RAD51B: variants seen among roughly 807,000 people sequenced by gnomAD.
The protein encoded by RAD51B is RAD51 paralog B, also known as DNA repair protein RAD51 homolog 2.
Under a neutral mutation model 42.2 loss-of-function variants are expected in RAD51B, and 38 were observed. The observed-to-expected ratio is 0.90, with a 90% CI of 0.70 to 1.18. The LOEUF (loss-of-function observed/expected upper bound fraction) is 1.18, where lower values mean the gene tolerates loss of function less well. RAD51B is among the 50% of genes most tolerant of loss of function. The pLI, the probability that RAD51B is intolerant of heterozygous loss-of-function variation, is 0.00. For synonymous variants in RAD51B, 154 were observed against 145.2 expected, an observed-to-expected ratio of 1.06 and a Z score of -0.43; for missense variants, 373 against 400.7, an observed-to-expected ratio of 0.93 and a Z score of 0.59.
chr14:68,505,629 C>G (rs1885259804), intron 10 of RAD51B, among the ~76,000 whole-genome samples: 1 of 148,388 alleles, frequency 6.7e-6, no homozygotes, highest in Non-Finnish European at 1.5e-5. Context: ...CGGCTCACTG[C>G]AACCTCTACC....
At chr14:68,202,214 G>A (rs1158354736) in intron 7 of RAD51B, among the ~76,000 whole-genome samples, 1 of 152,054 alleles carries the variant, frequency 6.6e-6, no homozygotes, top group African/African-American at 2.4e-5. Context: ...TTTTGCTGGT[G>A]GAGTGTTTTG....
chr14:68,512,009 C>T (rs1885763027), intron 10 of RAD51B, among the ~76,000 whole-genome samples: 1 of 152,234 alleles, frequency 6.6e-6, no homozygotes, highest in African/African-American at 2.4e-5. Flanking sequence ...CTGTGGACTA[C>T]ATTAAAGAAG....
At chr14:68,272,411 C>A (rs983440997) in intron 7 of RAD51B, among the ~76,000 whole-genome samples, 2 of 151,728 alleles carry the variant, frequency 1.3e-5, no homozygotes, top group Non-Finnish European at 2.9e-5. Context: ...TGCTGTATGA[C>A]CCTGACCAAA....
intron 10 of RAD51B, among the ~76,000 whole-genome samples, chr14:68,516,496 G>A (rs1886165201): frequency 6.6e-6 from 1 of 152,158 alleles, no homozygotes; most frequent in South Asian, 2.1e-4. Context: ...AGTATGCGAA[G>A]GAAACCCAGC....
rs181670787 is a variant in RAD51B at position 67,964,372 on chromosome 14, T to C, written c.756+77168T>C. Among the ~76,000 whole-genome samples the C allele has an allele frequency of 2.3e-3, 355 of 152,264 alleles. 2 individuals are homozygous for C. The Middle Eastern group carries it at 0.044, about 19-fold the overall frequency. On this transcript the variant is annotated intron_variant, in intron 7 of 10. Coordinates refer to ENST00000471583, the MANE Select transcript of RAD51B (RefSeq NM_133510.4). The stretch of plus-strand genomic sequence containing the variant: ...ACTAAAACTTGACTTGGCAGAAGAT[T>C]AAAAACAAAGCAGCTCCAAAGTGTG...
chr14:68,367,044 C>A (rs1204172845), intron 8 of RAD51B, among the ~76,000 whole-genome samples: 1 of 152,218 alleles, frequency 6.6e-6, no homozygotes, highest in Admixed American at 6.5e-5. Context: ...ATTTCACTCT[C>A]AGGAGCTTTA....
At chr14:68,371,055 AG>A (rs201950226) in intron 8 of RAD51B, among the ~76,000 whole-genome samples, 2,205 of 82,252 alleles carry the variant, frequency 0.027, 370 homozygotes, top group East Asian at 0.059. Context: ...AAAAAAAAAA[AG>A]AAAAAAAGAA....
intron 7 of RAD51B, among the ~76,000 whole-genome samples, chr14:68,267,465 A>G (rs2081014933): frequency 6.6e-6 from 1 of 152,242 alleles, no homozygotes; most frequent in African/African-American, 2.4e-5. Flanking sequence ...GAGTCAAATG[A>G]AAGAATTAGT....
intron 8 of RAD51B, among the ~76,000 whole-genome samples, chr14:68,374,683 C>T (rs1321233526): frequency 6.6e-6 from 1 of 150,732 alleles, no homozygotes; most frequent in Non-Finnish European, 1.5e-5. Flanking sequence ...ATACACGCCT[C>T]ATTATAGATG....
intron 7 of RAD51B, among the ~76,000 whole-genome samples, chr14:67,966,442 A>G (rs1213411587): frequency 1.3e-5 from 2 of 152,240 alleles, no homozygotes; most frequent in African/African-American, 4.8e-5. Flanking sequence ...TCTTTTAAAA[A>G]ATTAGTTCTT....
intron 10 of RAD51B, among the ~76,000 whole-genome samples, chr14:68,585,191 A>G (rs1316289573): frequency 2.0e-5 from 3 of 152,182 alleles, no homozygotes; most frequent in African/African-American, 7.2e-5. Flanking sequence ...CATTTTAATA[A>G]CCAGCAGGCA....
chr14:68,385,353 G>A (rs746979166), intron 8 of RAD51B, among the ~76,000 whole-genome samples: 6 of 152,038 alleles, frequency 3.9e-5, no homozygotes, highest in South Asian at 4.1e-4. Context: ...ATAGATTTTC[G>A]CCTTACACCC....
chr14:67,987,470 G>A (rs1484692169), intron 7 of RAD51B, among the ~76,000 whole-genome samples: 1 of 152,060 alleles, frequency 6.6e-6, no homozygotes, highest in African/African-American at 2.4e-5. Context: ...AAGATACATT[G>A]TAGCCTTTAG....
chr14:68,545,426 A>G (rs1328077070), intron 10 of RAD51B: 3 of 355,404 alleles, frequency 8.4e-6, no homozygotes, highest in Non-Finnish European at 1.7e-5. Context: ...TTCACAGTCA[A>G]CTCCACTGGC....
chr14:67,962,460 A>G (rs976366828), intron 7 of RAD51B, among the ~76,000 whole-genome samples: 3 of 152,174 alleles, frequency 2.0e-5, no homozygotes, highest in Admixed American at 6.5e-5. Flanking sequence ...AAAGTTATCT[A>G]TAAGGAAGAA....
chr14:68,221,270 G>A (rs1013756505), intron 7 of RAD51B, among the ~76,000 whole-genome samples: 8 of 152,014 alleles, frequency 5.3e-5, no homozygotes, highest in Admixed American at 2.0e-4. Flanking sequence ...AAATCTGGAG[G>A]CATCACATTA....
Position 68,183,790 on chromosome 14 carries a change from A to G in RAD51B, c.757-108094A>G, listed in dbSNP as rs186598661. 3.7e-3 allele frequency among the ~76,000 whole-genome samples: 558 copies of G among 152,046 alleles called. 1 individual carries two copies. The highest frequency in any genetic ancestry group is 6.8e-3 in the Middle Eastern group (2 of 294). ...TAGTGAGACCCCATCGCTACAAAAA[A>G]TTTTTTAAATTACCTGGGTAAGGCC... On this transcript the variant is annotated intron_variant, in intron 7 of 10. Coordinates refer to ENST00000471583, the MANE Select transcript of RAD51B (RefSeq NM_133510.4).
chr14:67,905,372 T>C (rs1339847195), intron 7 of RAD51B, among the ~76,000 whole-genome samples: 1 of 152,148 alleles, frequency 6.6e-6, no homozygotes, highest in African/African-American at 2.4e-5. Flanking sequence ...GGCTGTGTTA[T>C]AATATTTTTG....
intron 7 of RAD51B, among the ~76,000 whole-genome samples, chr14:67,998,096 A>G (rs2075417309): frequency 6.6e-6 from 1 of 152,198 alleles, no homozygotes; most frequent in African/African-American, 2.4e-5. Context: ...AACAGTATCA[A>G]TGTCACCTTG....
Sources: gnomAD v4.1 joint callset for allele counts (sites outside exome capture counted in the v4.1 genomes callset) on GRCh38, gnomAD v4.1.1 for gene constraint, MANE v1.5 for transcripts, NCBI Gene and HGNC (gene_info 2026-07-23, HGNC 2026-07-21) for gene names.